The following ANK1 variants were observed in gnomAD, a reference collection of about 807,000 sequenced individuals.
ANK1 encodes ankyrin-1.
Under a neutral mutation model 210.4 loss-of-function variants are expected in ANK1, and 51 were observed. The observed-to-expected ratio is 0.24, with a 90% CI of 0.19 to 0.31. The LOEUF (loss-of-function observed/expected upper bound fraction) is 0.31, where lower values mean the gene tolerates loss of function less well. Ranked by LOEUF, ANK1 falls within the 10% of genes least tolerant of loss-of-function variation. The probability of loss-of-function intolerance (pLI) is 1.00; values close to 1 mark genes in which losing one functional copy is unlikely to be tolerated. For missense variants in ANK1, 2,051 were observed against 2,504.4 expected (o/e 0.82, Z 3.86); for synonymous variants, 967 against 1,025.9 (o/e 0.94, Z 1.10).
intron 37 of ANK1, among the ~76,000 whole-genome samples, chr8:41,679,029 G>A (rs547260399): frequency 2.0e-5 from 3 of 152,180 alleles, no homozygotes; most frequent in East Asian, 1.9e-4. Flanking sequence ...CAGGTGATCC[G>A]CCCACCTCGG....
chr8:41,739,616 C>T (rs534078639), intron 2 of ANK1, among the ~76,000 whole-genome samples: 3 of 148,450 alleles, frequency 2.0e-5, no homozygotes, highest in Non-Finnish European at 3.0e-5. Flanking sequence ...ATAGTATTTA[C>T]GGCTGGAAAT....
chr8:41,660,538 G>A (rs182991665), intron 42 of ANK1: 116 of 466,716 alleles, frequency 2.5e-4, no homozygotes, highest in Non-Finnish European at 4.3e-4. Flanking sequence ...AGAGCCGGCC[G>A]CTGAAGCCCC....
At chr8:41,696,824 G>C (rs746730178) in intron 24 of ANK1, 51 bp from the exon 25 acceptor site, 2 of 1,534,072 alleles carry the variant, frequency 1.3e-6, no homozygotes, top group South Asian at 2.3e-5. Flanking sequence ...GGGCCAGCTG[G>C]ATGCCGTGCC....
chr8:41,878,814 G>A (rs1817064480), intron 1 of ANK1, among the ~76,000 whole-genome samples: 2 of 152,142 alleles, frequency 1.3e-5, no homozygotes, highest in South Asian at 4.1e-4. Context: ...TATAATCTCA[G>A]CACTTTGGGA....
chr8:41,727,888 C>T lies in ANK1; in HGVS notation c.327+20G>A, dbSNP rs1367120549. The T allele has an allele frequency of 1.2e-6, 2 of 1,613,502 alleles. No individual in the cohort carries two copies. The highest frequency in any genetic ancestry group is 1.7e-6 in the Non-Finnish European group (2 of 1,179,436). On this transcript the variant is annotated intron_variant, in intron 4 of 42. Coordinates refer to ENST00000289734, the MANE Select transcript of ANK1 (RefSeq NM_000037.4). ...CTGTGGAAAGGCAACACCCTCTAGTCCAGACCAGAGAGCCATTACCTGTGA... is the reference window on the plus strand; with the variant it reads ...CTGTGGAAAGGCAACACCCTCTAGTTCAGACCAGAGAGCCATTACCTGTGA...
At position 41,802,721 on chromosome 8, in the gene ANK1, C is replaced by A. The variant is rs116889368; in HGVS notation, c.127-44584G>T. On this transcript the variant is annotated intron_variant, in intron 1 of 42. Transcript: ENST00000265709. ...CACTCTGGGAGGCCGATCACTCGGG[C>A]AACATGGCAAAACCCCATCTCTACT... Among the ~76,000 whole-genome samples the A allele has an allele frequency of 9.8e-4, 149 of 152,002 alleles. 1 individual carries two copies. In the East Asian group the frequency reaches 0.028, roughly 28 times the overall value.
intron 1 of ANK1, among the ~76,000 whole-genome samples, chr8:41,878,547 T>C (rs1005425000): frequency 6.6e-6 from 1 of 152,106 alleles, no homozygotes; most frequent in Non-Finnish European, 1.5e-5. Context: ...GATAGAAAAA[T>C]ACAAGTGCTA....
intron 1 of ANK1, among the ~76,000 whole-genome samples, chr8:41,855,396 G>A (rs948475747): frequency 6.6e-6 from 1 of 152,198 alleles, no homozygotes; most frequent in Non-Finnish European, 1.5e-5. Context: ...GTGCTTGAGA[G>A]AAGAAAGATA....
intron 7 of ANK1, 70 bp downstream of exon 7, chr8:41,724,386 G>C: frequency 7.6e-7 from 1 of 1,320,824 alleles, no homozygotes; most frequent in Middle Eastern, 2.5e-4. Context: ...TGAAACCCAT[G>C]GTGCCGAGGC....
chr8:41,836,280 A>G (rs960837747), intron 1 of ANK1, among the ~76,000 whole-genome samples: 2 of 152,228 alleles, frequency 1.3e-5, no homozygotes, highest in African/African-American at 4.8e-5. Flanking sequence ...AACCCAAAGA[A>G]AAAACACCCC....
chr8:41,703,422 G>GTGTATATATATATATA (rs1286560913), intron 20 of ANK1, among the ~76,000 whole-genome samples: 24 of 53,754 alleles, frequency 4.5e-4, no homozygotes, highest in Admixed American at 2.4e-3. Context: ...GTGTGTGTGT[G>GTGTATATATATATATA]TATATATATA....
intron 41 of ANK1, 69 bp from the exon 42 acceptor site, chr8:41,661,633 G>GA: frequency 6.2e-7 from 1 of 1,609,066 alleles, no homozygotes; most frequent in Non-Finnish European, 8.5e-7. Context: ...GCAGAAGATC[G>GA]AAAGGAGGCC....
intron 1 of ANK1, among the ~76,000 whole-genome samples, chr8:41,881,204 T>C (rs1289228537): frequency 1.3e-5 from 2 of 152,206 alleles, no homozygotes. Flanking sequence ...TAGTCCAGAC[T>C]AGAAGCTGGA....
At chr8:41,790,200 G>A (rs998462100) in intron 1 of ANK1, among the ~76,000 whole-genome samples, 2 of 151,000 alleles carry the variant, frequency 1.3e-5, no homozygotes, top group Non-Finnish European at 2.9e-5. Context: ...AGGCTGGAGT[G>A]CAATGGTGCG....
chr8:41,886,962 C>CCAAGA (rs1304727045), intron 1 of ANK1, among the ~76,000 whole-genome samples: 1 of 152,172 alleles, frequency 6.6e-6, no homozygotes, highest in Non-Finnish European at 1.5e-5. Context: ...TCTTCATATG[C>CCAAGA]CAAGACCCAA....
chr8:41,847,863 T>C (rs1484222064), intron 1 of ANK1, among the ~76,000 whole-genome samples: 1 of 152,132 alleles, frequency 6.6e-6, no homozygotes, highest in Non-Finnish European at 1.5e-5. Flanking sequence ...AGATTTATCA[T>C]TTTCTTTAAA....
chr8:41,765,310 C>T (rs1841520821), intron 1 of ANK1, among the ~76,000 whole-genome samples: 1 of 151,846 alleles, frequency 6.6e-6, no homozygotes. Context: ...GCAGTTATAG[C>T]TCACTGCAGC....
At chr8:41,824,203 G>A (rs1804958879) in intron 1 of ANK1, among the ~76,000 whole-genome samples, 2 of 152,134 alleles carry the variant, frequency 1.3e-5, no homozygotes, top group African/African-American at 4.8e-5. Context: ...GACCTCAGGT[G>A]ATCCAACCGC....
chr8:41,701,901 G>A (rs1822914610), intron 21 of ANK1, 151 bp downstream of exon 21: 2 of 841,648 alleles, frequency 2.4e-6, no homozygotes. Flanking sequence ...AGCCCCGCTG[G>A]AAGGAGGACA....
Sources: gnomAD v4.1 joint callset for allele counts (sites outside exome capture counted in the v4.1 genomes callset) on GRCh38, gnomAD v4.1.1 for gene constraint, MANE v1.5 for transcripts, NCBI Gene and HGNC (gene_info 2026-07-23, HGNC 2026-07-21) for gene names.